The following PTPRB variants were observed in gnomAD, a reference collection of about 807,000 sequenced individuals.
The protein encoded by PTPRB is receptor-type tyrosine-protein phosphatase beta.
PTPRB carries 97 observed loss-of-function variants against 238.1 expected under a neutral mutation model. The ratio of observed to expected loss-of-function variants is 0.41; its 90% CI spans 0.35 to 0.48. The LOEUF (loss-of-function observed/expected upper bound fraction) is 0.48, where lower values mean the gene tolerates loss of function less well. PTPRB is among the 20% of genes least tolerant of loss of function. PTPRB has a pLI of 0.30. For missense variants in PTPRB, 2,292 were observed against 2,681.9 expected (o/e 0.85, Z 3.21); for synonymous variants, 970 against 995.4 (o/e 0.97, Z 0.48).
chr12:70,635,585 AAAAC>A (rs143061370), intron 2 of PTPRB, 82 bp downstream of exon 2: 138,777 of 1,429,706 alleles, frequency 0.097, 11,875 homozygotes, highest in East Asian at 0.4. Flanking sequence ...CCTTAAATGT[AAAAC>A]AAACAAACAA....
At chr12:70,610,881 AC>A (rs1884407173) in intron 3 of PTPRB, among the ~76,000 whole-genome samples, 1 of 151,672 alleles carries the variant, frequency 6.6e-6, no homozygotes, top group Non-Finnish European at 1.5e-5. Context: ...TCAGCTCTCC[AC>A]AAGTTAAAAA....
At chr12:70,617,928 G>T (rs549983967) in intron 3 of PTPRB, among the ~76,000 whole-genome samples, 2 of 152,300 alleles carry the variant, frequency 1.3e-5, no homozygotes, top group South Asian at 4.1e-4. Flanking sequence ...TGCATGTTCT[G>T]CATTTTATCC....
intron 12 of PTPRB, 21 bp downstream of exon 12, chr12:70,571,803 T>C (rs774665898): frequency 9.4e-6 from 15 of 1,597,298 alleles, no homozygotes; most frequent in Non-Finnish European, 1.3e-5. Context: ...AACTGTCAGA[T>C]TTTGCAATCG....
At chr12:70,607,015 G>C (rs907432013) in intron 4 of PTPRB, among the ~76,000 whole-genome samples, 1 of 152,184 alleles carries the variant, frequency 6.6e-6, no homozygotes, top group Non-Finnish European at 1.5e-5. Flanking sequence ...CTGAATGCTA[G>C]CACATTGTGG....
intron 11 of PTPRB, 91 bp downstream of exon 11, chr12:70,576,291 C>T: frequency 7.3e-7 from 1 of 1,379,184 alleles, no homozygotes. Context: ...GGCCTTTCAT[C>T]CCATCATTAC....
At chr12:70,541,029 T>C in intron 22 of PTPRB, 72 bp from the exon 23 acceptor site, 2 of 1,201,072 alleles carry the variant, frequency 1.7e-6, no homozygotes, top group Non-Finnish European at 1.2e-6. Context: ...AAGAAAGCTA[T>C]TGAAGCCATA....
chr12:70,581,967 G>A (rs1356696869), intron 9 of PTPRB, among the ~76,000 whole-genome samples: 1 of 151,914 alleles, frequency 6.6e-6, no homozygotes, highest in African/African-American at 2.4e-5. Context: ...TATTAACAAG[G>A]AAACCAAGGA....
intron 2 of PTPRB, among the ~76,000 whole-genome samples, chr12:70,633,106 A>G (rs887772799): frequency 2.0e-5 from 3 of 152,244 alleles, no homozygotes; most frequent in Non-Finnish European, 2.9e-5. Context: ...CATCCCATAG[A>G]TGAACAACAC....
chr12:70,555,918 C>T lies in PTPRB; in HGVS notation c.4945G>A (p.Gly1649Ser), dbSNP rs749841031. 6.2e-6 allele frequency: 10 copies of T among 1,613,464 alleles called. No homozygotes were observed. Among genetic ancestry groups the T allele is most frequent in the Admixed American group, 3.3e-5 (2 of 59,978 alleles). ...YLVSIKVQSA[G>S]MTSEVVEDST... ...TCTTCAACCACCTCGCTGGTCATGC[C>T]GGCCGACTGCACTTTGATGGACACC... is the stretch of plus-strand genomic sequence containing the variant. The change falls in exon 19 of 34, where the codon GGC (glycine) becomes AGC (serine). Residue 1649 changes from glycine to serine, a missense_variant. Physicochemically the swap from Gly to Ser is moderately conservative, Grantham distance 56. Transcript: ENST00000334414.
At chr12:70,600,779 T>C (rs1883406691) in intron 4 of PTPRB, among the ~76,000 whole-genome samples, 2 of 152,198 alleles carry the variant, frequency 1.3e-5, no homozygotes, top group Admixed American at 1.3e-4. Flanking sequence ...CACTGCAGTC[T>C]CAACCTCCTG....
chr12:70,540,896 C>T lies in PTPRB; in HGVS notation c.5556G>A (p.Val1852=), dbSNP rs1415809591. ...TGCAGATCAATAAGGCAACAACAGC[C>T]ACTAGCATGCCAATTAAAAACAGAC... ...SAGLFLIGML[V]AVVALLICRQ... The change falls in exon 23 of 34, where the codon GTG becomes GTA. Residue 1852 remains valine (V), a synonymous_variant. Transcript: ENST00000334414. 3 of 1,606,446 alleles carry T rather than the reference C, an allele frequency of 1.9e-6. No individual in the cohort carries two copies. The highest frequency in any genetic ancestry group is 2.2e-5 in the South Asian group (2 of 88,924).
At chr12:70,629,131 C>T (rs1195723866) in intron 2 of PTPRB, among the ~76,000 whole-genome samples, 3 of 152,082 alleles carry the variant, frequency 2.0e-5, no homozygotes, top group Non-Finnish European at 4.4e-5. Context: ...TCTTGTGTGC[C>T]CCCAAAAGAC....
At chr12:70,592,971 A>G (rs17108373) in intron 6 of PTPRB, among the ~76,000 whole-genome samples, 18,740 of 152,246 alleles carry the variant, frequency 0.12, 1,276 homozygotes, top group African/African-American at 0.14. Context: ...AATGCACAAA[A>G]AGGTCTGCCA....
At chr12:70,615,095 AAATATT>A (rs1256559129) in intron 3 of PTPRB, among the ~76,000 whole-genome samples, 1 of 152,186 alleles carries the variant, frequency 6.6e-6, no homozygotes, top group Admixed American at 6.5e-5. Context: ...AGGGCTCAAT[AAATATT>A]AAGTTCCATG....
chr12:70,524,630 C>G (rs1479722879), intron 32 of PTPRB, 39 bp from the exon 33 acceptor site: 23 of 1,555,358 alleles, frequency 1.5e-5, no homozygotes, highest in Admixed American at 1.9e-5. Context: ...AGGGCCTGTT[C>G]TCATGCATAA....
intron 2 of PTPRB, among the ~76,000 whole-genome samples, chr12:70,630,615 G>A (rs989858157): frequency 3.3e-5 from 5 of 152,224 alleles, no homozygotes; most frequent in Non-Finnish European, 5.9e-5. Context: ...ATTAGGAAAA[G>A]AGGAAATCAA....
chr12:70,588,826 G>A (rs1196861340), intron 8 of PTPRB, among the ~76,000 whole-genome samples: 7 of 151,816 alleles, frequency 4.6e-5, no homozygotes, highest in East Asian at 1.9e-4. Context: ...GGTGGCACAC[G>A]CCTGTAATCC....
At chr12:70,530,488 T>C (rs959125197) in intron 32 of PTPRB, among the ~76,000 whole-genome samples, 1 of 123,118 alleles carries the variant, frequency 8.1e-6, no homozygotes, top group African/African-American at 4.0e-5. Context: ...ATGACATGTA[T>C]TACACACATA....
chr12:70,587,334 T>C (rs892920025), intron 8 of PTPRB, 67 bp from the exon 9 acceptor site: 5 of 1,517,362 alleles, frequency 3.3e-6, no homozygotes, highest in Middle Eastern at 1.7e-4. Context: ...ATACTTTTGA[T>C]AGTTCTCCTC....
Sources: allele counts gnomAD v4.1 joint callset (sites outside exome capture counted in the v4.1 genomes callset), GRCh38; gene constraint gnomAD v4.1.1; transcripts MANE v1.5; gene names NCBI Gene and HGNC (gene_info 2026-07-23, HGNC 2026-07-21).